The following CNTFR variants were observed in gnomAD, a reference collection of about 807,000 sequenced individuals.
The protein encoded by CNTFR is ciliary neurotrophic factor receptor.
In CNTFR, 12 loss-of-function variants were observed where a neutral mutation model predicts 40.4. The ratio of observed to expected loss-of-function variants is 0.30; its 90% confidence interval spans 0.19 to 0.48. The LOEUF (loss-of-function observed/expected upper bound fraction) is 0.48, where lower values mean the gene tolerates loss of function less well. Among genes scored for constraint, CNTFR ranks in the 20% least tolerant of loss-of-function variants. The pLI, the probability that CNTFR is intolerant of heterozygous loss-of-function variation, is 0.99. For missense variants in CNTFR, 414 were observed against 506.8 expected (o/e 0.82, Z 1.76); for synonymous variants, 202 against 209.6 (o/e 0.96, Z 0.31).
In CNTFR at chr9:34,556,539, C is replaced by T. The variant is rs371625650; in HGVS notation, c.605-121G>A. 482 of 949,836 alleles carry T rather than the reference C, an allele frequency of 5.1e-4. 1 individual carries two copies. Among genetic ancestry groups the T allele is most frequent in the African/African-American group, 4.0e-3 (241 of 60,974 alleles). 58.8% of individuals were successfully genotyped at this position (949,836 alleles called of 1,614,324 possible). On this transcript the variant is annotated intron_variant, in intron 6 of 9. Transcript: ENST00000378980. ...CCATTGTCATCAACATCATAGTCAG[C>T]GTGCCTCTTCTCTGTTGTCAATTCT...
intron 3 of CNTFR, among the ~76,000 whole-genome samples, chr9:34,568,624 C>CG (rs1225636767): frequency 6.6e-6 from 1 of 152,190 alleles, no homozygotes; most frequent in Non-Finnish European, 1.5e-5. Context: ...CAGCCTCCCC[C>CG]GTCAACTCCC....
rs567837982 is a variant in CNTFR at position 34,567,444 on chromosome 9, A to G, written c.85+1453T>C. 3.9e-5 allele frequency among the ~76,000 whole-genome samples: 6 copies of G among 152,276 alleles called. No homozygotes were observed. The South Asian group carries it at 1.0e-3, about 26-fold the overall frequency. ...ACAAGGGCAGTCACCCCTAAAGAAGAAGGACATGCAGGACAGTCATCCACA... is the reference window on the plus strand; with the variant it reads ...ACAAGGGCAGTCACCCCTAAAGAAGGAGGACATGCAGGACAGTCATCCACA... On this transcript the variant is annotated intron_variant, in intron 3 of 9. Coordinates refer to ENST00000378980, the MANE Select transcript of CNTFR (RefSeq NM_147164.3).
Position 34,552,604 on chromosome 9 carries a change from C to G in CNTFR, c.949+70G>C. 6 of 1,511,296 alleles carry G rather than the reference C, an allele frequency of 4.0e-6. No individual in the cohort carries two copies. The highest frequency in any genetic ancestry group is 5.3e-6 in the Non-Finnish European group (6 of 1,121,536). 93.6% of individuals were successfully genotyped at this position (1,511,296 alleles called of 1,614,324 possible). ...AGAGGCTGGAGGCAGCAGGGTAGAA[C>G]CAGGCCACAGGTTCTACCACAGGCC... On this transcript the variant is annotated intron_variant, in intron 8 of 9. Transcript: ENST00000378980. This position sits in a 1 kb window ranked among gnomAD's most constrained non-coding sequence, Gnocchi z 5.1.
chr9:34,573,589 T>C (rs1219646749), intron 2 of CNTFR, among the ~76,000 whole-genome samples: 1 of 152,092 alleles, frequency 6.6e-6, no homozygotes, highest in Admixed American at 6.5e-5. Context: ...GTTCAGAACA[T>C]CCATCTGATG....
At position 34,589,381 on chromosome 9, in the gene CNTFR, A is replaced by G. The variant is rs1330720963; in HGVS notation, c.-112+174T>C. ...CCCGGACGTGGGGGGCCGCTCCTCC[A>G]GCGCCCCCGCCCCCGAGTTTGCAGG... On this transcript the variant is annotated intron_variant, in intron 1 of 9. Coordinates refer to ENST00000378980, the MANE Select transcript of CNTFR (RefSeq NM_147164.3). This position sits in a 1 kb window ranked among gnomAD's most constrained non-coding sequence, Gnocchi z 4.4. Among the ~76,000 whole-genome samples the G allele has an allele frequency of 2.0e-5, 3 of 151,434 alleles. No homozygotes were observed. The highest frequency in any genetic ancestry group is 7.3e-5 in the African/African-American group (3 of 41,246).
intron 2 of CNTFR, chr9:34,569,990 G>A (rs1826511426): frequency 6.6e-6 from 1 of 152,174 alleles, no homozygotes; most frequent in Non-Finnish European, 1.5e-5. Flanking sequence ...TACACTTGAT[G>A]GCAGGGAAAT....
At chr9:34,571,689 A>AGCC (rs1203739790) in intron 2 of CNTFR, among the ~76,000 whole-genome samples, 1 of 152,230 alleles carries the variant, frequency 6.6e-6, no homozygotes, top group East Asian at 1.9e-4. Context: ...ACGGGGCTGC[A>AGCC]GCCACGGGAG....
At chr9:34,563,198 G>A (rs184438852) in intron 4 of CNTFR, among the ~76,000 whole-genome samples, 120 of 152,288 alleles carry the variant, frequency 7.9e-4, no homozygotes, top group African/African-American at 2.3e-3. Context: ...CTAGGGAGCC[G>A]CCGATCCCTT....
intron 7 of CNTFR, among the ~76,000 whole-genome samples, chr9:34,553,843 C>T (rs963130516): frequency 3.3e-5 from 5 of 152,204 alleles, no homozygotes; most frequent in African/African-American, 9.6e-5. Context: ...CAGGGGCAGC[C>T]GGCAGGGGCG....
chr9:34,573,930 A>C (rs1184078359), intron 2 of CNTFR, among the ~76,000 whole-genome samples: 1 of 152,246 alleles, frequency 6.6e-6, no homozygotes, highest in Non-Finnish European at 1.5e-5. Context: ...GCGGGGGCAA[A>C]GACAGGGACA....
At chr9:34,559,915 C>G (rs1421555816) in intron 4 of CNTFR, among the ~76,000 whole-genome samples, 1 of 152,144 alleles carries the variant, frequency 6.6e-6, no homozygotes, top group Non-Finnish European at 1.5e-5. Flanking sequence ...GTCCTCCCCC[C>G]TCAGACCGCG....
At position 34,581,130 on chromosome 9, in the gene CNTFR, GTCC is replaced by G. The variant is rs990472639; in HGVS notation, c.-39_-37del. Reference sequence around the variant, plus strand: ...CTGGCCACACACCAAGCACATCAATGTCCTCCTCCTCCTCCAGACCAACTCTTC... The same window carrying G: ...CTGGCCACACACCAAGCACATCAATGTCCTCCTCCTCCAGACCAACTCTTC... On this transcript the variant is annotated 5_prime_UTR_variant, in exon 2 of 10. Transcript: ENST00000378980. 3.3e-5 allele frequency: 5 copies of G among 153,070 alleles called. No homozygotes were observed. The highest frequency in any genetic ancestry group is 1.9e-4 in the East Asian group (1 of 5,216). 9.5% of individuals were successfully genotyped at this position (153,070 alleles called of 1,614,324 possible).
intron 1 of CNTFR, among the ~76,000 whole-genome samples, chr9:34,585,759 TC>T (rs951361260): frequency 2.0e-5 from 3 of 152,182 alleles, no homozygotes; most frequent in Non-Finnish European, 2.9e-5. Context: ...AGCTGAGGTC[TC>T]CCCCACTACC....
At chr9:34,576,865 G>T (rs990199465) in intron 2 of CNTFR, among the ~76,000 whole-genome samples, 7 of 152,198 alleles carry the variant, frequency 4.6e-5, no homozygotes, top group Admixed American at 6.5e-5. Context: ...TGATCCCAAG[G>T]CCTCTTCAAA....
In CNTFR at chr9:34,568,964, C is replaced by A. The variant is rs1026474283; in HGVS notation, c.18G>T (p.Pro6=). ...CGGCAAGCACAGCACAGCAGGCCCA[C>A]GGGACAGGAGCAGCCATCTGTTGGG... MAAPV[P]WACCAVLAAA... The change falls in exon 3 of 10, where the codon CCG becomes CCT. Residue 6 remains proline (P), a synonymous_variant. Coordinates refer to ENST00000378980, the MANE Select transcript of CNTFR (RefSeq NM_147164.3). The A allele has an allele frequency of 6.3e-7, 1 of 1,596,326 alleles. No individual in the cohort carries two copies. Among genetic ancestry groups the A allele is most frequent in the East Asian group, 2.3e-5 (1 of 43,916 alleles).
chr9:34,554,919 T>C (rs978115528), intron 7 of CNTFR, among the ~76,000 whole-genome samples: 3 of 152,234 alleles, frequency 2.0e-5, no homozygotes, highest in African/African-American at 7.2e-5. Context: ...AGGCCACGCA[T>C]GTTCTCGCCA....
intron 1 of CNTFR, among the ~76,000 whole-genome samples, chr9:34,586,930 G>A (rs1164855822): frequency 1.3e-5 from 2 of 152,146 alleles, no homozygotes; most frequent in Non-Finnish European, 2.9e-5. Context: ...GGAAAGCATG[G>A]GCATATCTGA....
rs764182539 is a variant in CNTFR, at chr9:34,557,519, C to T, written c.604+7G>A. 18 of 1,611,148 alleles carry T rather than the reference C, an allele frequency of 1.1e-5. No homozygotes were observed. The highest frequency in any genetic ancestry group is 1.0e-5 in the Non-Finnish European group (12 of 1,177,404). On this transcript the variant is annotated splice_region_variant and intron_variant, in intron 6 of 9. Transcript: ENST00000378980. This position sits in a 1 kb window ranked among gnomAD's most constrained non-coding sequence, Gnocchi z 4.2. ...AGGCAGCAGGTCCCCCCAACCGCCA[C>T]ACGTACCAATGGTGAACTCGTCAAA...
chr9:34,578,289 G>C lies in CNTFR; in HGVS notation c.-1+2806C>G, dbSNP rs568267314. Among the ~76,000 whole-genome samples the C allele has an allele frequency of 1.4e-4, 22 of 152,344 alleles. No homozygotes were observed. In the South Asian group the frequency reaches 4.6e-3, roughly 32 times the overall value. ...CAAGCGAACGAGCAAGCGAGCAAGC[G>C]AGCTAGCGGAGGGAGAGTGAGGGAC... is the stretch of plus-strand genomic sequence containing the variant. On this transcript the variant is annotated intron_variant, in intron 2 of 9. Coordinates refer to ENST00000378980, the MANE Select transcript of CNTFR (RefSeq NM_147164.3).
Sources: allele counts gnomAD v4.1 joint callset (sites outside exome capture counted in the v4.1 genomes callset), GRCh38; gene constraint gnomAD v4.1.1; non-coding constraint Gnocchi (gnomAD v3.1); transcripts MANE v1.5; gene names NCBI Gene and HGNC (gene_info 2026-07-23, HGNC 2026-07-21).